WWOX: variants seen among roughly 807,000 people sequenced by gnomAD.
The protein encoded by WWOX is WW domain containing oxidoreductase.
In WWOX, 69 loss-of-function variants were observed where a neutral mutation model predicts 46.2. That is an observed-to-expected ratio of 1.49 (90% CI 1.23 to 1.82). WWOX has a LOEUF of 1.82. Ranked by LOEUF, WWOX falls within the 40% of genes most tolerant of loss-of-function variation. The probability of loss-of-function intolerance (pLI) is 0.00; values close to 1 mark genes in which losing one functional copy is unlikely to be tolerated. For synonymous variants in WWOX, 359 were observed against 202.6 expected, an observed-to-expected ratio of 1.77 and a Z score of -6.56; for missense variants, 919 against 542.6, an observed-to-expected ratio of 1.69 and a Z score of -6.89.
intron 5 of WWOX, among the ~76,000 whole-genome samples, chr16:78,239,802 C>T (rs555783845): frequency 5.3e-5 from 8 of 152,148 alleles, no homozygotes; most frequent in South Asian, 2.1e-4. Context: ...CCCAAAATGC[C>T]GGGATTATAG....
intron 5 of WWOX, among the ~76,000 whole-genome samples, chr16:78,333,903 G>T (rs1260976344): frequency 6.6e-6 from 1 of 151,724 alleles, no homozygotes. Context: ...GAGCAGAAAA[G>T]GTATCATCTC....
chr16:78,352,320 C>A (rs780924511), intron 5 of WWOX, among the ~76,000 whole-genome samples: 15 of 152,174 alleles, frequency 9.9e-5, no homozygotes, highest in Non-Finnish European at 1.5e-4. Context: ...ACAAAAGTTA[C>A]ACTTTACAGT....
At chr16:78,505,825 C>A (rs2667599) in intron 8 of WWOX, among the ~76,000 whole-genome samples, 1 of 152,014 alleles carries the variant, frequency 6.6e-6, no homozygotes, top group Non-Finnish European at 1.5e-5. Context: ...CCCAGATGAT[C>A]TGATTCTGTA....
intron 4 of WWOX, chr16:78,145,873 G>C (rs1450973741): frequency 6.6e-6 from 1 of 152,154 alleles, no homozygotes; most frequent in Non-Finnish European, 1.5e-5. Context: ...GTCATGTTGG[G>C]GGTTAGGGCT....
chr16:79,182,266 G>C (rs2050927344), intron 8 of WWOX, among the ~76,000 whole-genome samples: 1 of 151,878 alleles, frequency 6.6e-6, no homozygotes, highest in Non-Finnish European at 1.5e-5. Context: ...ACACTGTAGG[G>C]TATCCAGGAT....
chr16:78,583,805 T>C (rs1049248247), intron 8 of WWOX, among the ~76,000 whole-genome samples: 8 of 152,206 alleles, frequency 5.3e-5, no homozygotes, highest in Non-Finnish European at 8.8e-5. Context: ...AAATGCTCTT[T>C]CTGAAAGAGT....
intron 8 of WWOX, among the ~76,000 whole-genome samples, chr16:78,900,857 A>T (rs1156616755): frequency 6.6e-6 from 1 of 152,006 alleles, no homozygotes; most frequent in African/African-American, 2.4e-5. Context: ...GAAAAAAAAA[A>T]AAAAGAAAAA....
At chr16:79,056,802 T>G (rs901492119) in intron 8 of WWOX, among the ~76,000 whole-genome samples, 4 of 152,214 alleles carry the variant, frequency 2.6e-5, no homozygotes, top group Admixed American at 6.5e-5. Flanking sequence ...AGATTGAACT[T>G]GATTTTCTTT....
intron 8 of WWOX, among the ~76,000 whole-genome samples, chr16:79,007,253 C>T (rs2047209374): frequency 6.6e-6 from 1 of 152,074 alleles, no homozygotes; most frequent in African/African-American, 2.4e-5. Flanking sequence ...AGGTTCTTTG[C>T]TGGAGAATAA....
At chr16:78,427,656 G>T (rs925361713) in intron 7 of WWOX, among the ~76,000 whole-genome samples, 1 of 152,104 alleles carries the variant, frequency 6.6e-6, no homozygotes, top group East Asian at 1.9e-4. Context: ...GCACATGCCT[G>T]TAATCCTATC....
At chr16:79,104,040 G>C (rs1156566772) in intron 8 of WWOX, among the ~76,000 whole-genome samples, 14 of 61,806 alleles carry the variant, frequency 2.3e-4, no homozygotes, top group Non-Finnish European at 2.3e-4. Context: ...CCTTTTTTGG[G>C]GGGGGGGGGG....
chr16:78,361,310 C>G (rs1399220841), intron 5 of WWOX, among the ~76,000 whole-genome samples: 1 of 152,094 alleles, frequency 6.6e-6, no homozygotes, highest in African/African-American at 2.4e-5. Context: ...CTGTCTCATC[C>G]CTGGTAATGT....
intron 8 of WWOX, among the ~76,000 whole-genome samples, chr16:78,561,220 A>G (rs1186704115): frequency 6.6e-6 from 1 of 152,186 alleles, no homozygotes; most frequent in Non-Finnish European, 1.5e-5. Flanking sequence ...AGCCAGCAAC[A>G]GAAACTCTCT....
chr16:79,164,846 G>A (rs1009664888), intron 8 of WWOX, among the ~76,000 whole-genome samples: 2 of 152,022 alleles, frequency 1.3e-5, no homozygotes, highest in African/African-American at 4.8e-5. Context: ...CCCTGAAATC[G>A]GAGACTCATA....
At position 78,763,618 on chromosome 16, in the gene WWOX, C is replaced by T. The variant is rs567240248; in HGVS notation, c.1056+330866C>T. Among the ~76,000 whole-genome samples the T allele has an allele frequency of 3.9e-5, 6 of 152,336 alleles. No individual in the cohort carries two copies. The East Asian group carries it at 1.2e-3, about 29-fold the overall frequency. On this transcript the variant is annotated intron_variant, in intron 8 of 8. Coordinates refer to ENST00000566780, the MANE Select transcript of WWOX (RefSeq NM_016373.4). ...CGAGTTGCTGTCATTGAAACAAAAT[C>T]TGTCCTGGTCACCACTGTATGCCCA...
chr16:78,403,031 G>T (rs1262171869), intron 6 of WWOX, among the ~76,000 whole-genome samples: 1 of 152,190 alleles, frequency 6.6e-6, no homozygotes, highest in Non-Finnish European at 1.5e-5. Flanking sequence ...TTTCAGGTCT[G>T]AATGGCAGCA....
At chr16:78,564,464 T>C (rs1296825114) in intron 8 of WWOX, among the ~76,000 whole-genome samples, 4 of 152,268 alleles carry the variant, frequency 2.6e-5, no homozygotes, top group East Asian at 3.9e-4. Flanking sequence ...AAATTGAAGA[T>C]CCTTGAAAAT....
At chr16:78,289,636 G>A (rs2079828172) in intron 5 of WWOX, among the ~76,000 whole-genome samples, 5 of 152,120 alleles carry the variant, frequency 3.3e-5, no homozygotes, top group Admixed American at 3.3e-4. Flanking sequence ...CATGAACGAA[G>A]GGAAGAATAA....
intron 8 of WWOX, among the ~76,000 whole-genome samples, chr16:79,157,775 C>G (rs1001029152): frequency 1.3e-5 from 2 of 152,018 alleles, no homozygotes; most frequent in Admixed American, 1.3e-4. Flanking sequence ...TGGGGAGGCA[C>G]CAGGACTGGT....
Sources: allele counts gnomAD v4.1 joint callset (sites outside exome capture counted in the v4.1 genomes callset), GRCh38; gene constraint gnomAD v4.1.1; transcripts MANE v1.5; gene names NCBI Gene and HGNC (gene_info 2026-07-23, HGNC 2026-07-21).